The following CCDC170 variants were observed in gnomAD, a reference collection of about 807,000 sequenced individuals.
The protein encoded by CCDC170 is coiled-coil domain containing 170, also known as coiled-coil domain-containing protein 170.
In CCDC170, 69 loss-of-function variants were observed where a neutral mutation model predicts 72.6. That is an observed-to-expected ratio of 0.95 (90% CI 0.78 to 1.16). CCDC170 has a LOEUF of 1.16. CCDC170 is among the 50% of genes most tolerant of loss of function. The pLI, the probability that CCDC170 is intolerant of heterozygous loss-of-function variation, is 0.00. For missense variants in CCDC170, 852 were observed against 832.5 expected (o/e 1.02, Z -0.29); for synonymous variants, 300 against 303.9 (o/e 0.99, Z 0.13).
chr6:151,559,330 G>A (rs571853005), intron 5 of CCDC170, among the ~76,000 whole-genome samples: 3 of 152,156 alleles, frequency 2.0e-5, no homozygotes, highest in Admixed American at 6.5e-5. Flanking sequence ...TAATTATTCT[G>A]ATCCATGAGC....
chr6:151,618,152 T>G lies in CCDC170; in HGVS notation c.*5T>G, dbSNP rs767495505. The stretch of plus-strand genomic sequence containing the variant: ...CATTTACAGCTTCTTCATTGAACAC[T>G]GTATCTCTTGAGAGAGGTGGCCATA... On this transcript the variant is annotated 3_prime_UTR_variant, in exon 11 of 11. Coordinates refer to ENST00000239374, the MANE Select transcript of CCDC170 (RefSeq NM_025059.4). 6.2e-7 allele frequency: 1 copy of G among 1,611,938 alleles called. No individual in the cohort carries two copies. The highest frequency in any genetic ancestry group is 8.5e-7 in the Non-Finnish European group (1 of 1,178,462).
At chr6:151,520,660 C>T (rs1182781779) in intron 1 of CCDC170, among the ~76,000 whole-genome samples, 2 of 152,204 alleles carry the variant, frequency 1.3e-5, no homozygotes, top group Non-Finnish European at 1.5e-5. Flanking sequence ...CCCTAAACTG[C>T]TCCTAAGATC....
At chr6:151,604,063 C>T (rs74945515) in intron 9 of CCDC170, among the ~76,000 whole-genome samples, 8,738 of 152,190 alleles carry the variant, frequency 0.057, 309 homozygotes, top group South Asian at 0.097. Context: ...GTCAGACAAC[C>T]AAAAACTAGT....
intron 5 of CCDC170, among the ~76,000 whole-genome samples, chr6:151,571,073 A>G (rs1293533497): frequency 6.6e-6 from 1 of 152,216 alleles, no homozygotes; most frequent in Non-Finnish European, 1.5e-5. Flanking sequence ...AGTCACCATA[A>G]TGGAAAAAAT....
chr6:151,610,240 G>A (rs1445120076), intron 9 of CCDC170, among the ~76,000 whole-genome samples: 1 of 152,072 alleles, frequency 6.6e-6, no homozygotes, highest in Non-Finnish European at 1.5e-5. Context: ...ATATTATTTT[G>A]AGCAATATGC....
At chr6:151,567,342 T>C (rs946313666) in intron 5 of CCDC170, among the ~76,000 whole-genome samples, 1 of 152,224 alleles carries the variant, frequency 6.6e-6, no homozygotes, top group South Asian at 2.1e-4. Context: ...GTAGGTACCT[T>C]GTATTCAAAT....
chr6:151,523,403 G>A (rs901319041), intron 1 of CCDC170, among the ~76,000 whole-genome samples: 8 of 151,988 alleles, frequency 5.3e-5, no homozygotes, highest in African/African-American at 9.7e-5. Flanking sequence ...TGAATTCTTG[G>A]CAGCCAGGCA....
intron 8 of CCDC170, among the ~76,000 whole-genome samples, chr6:151,594,504 T>C (rs1414558911): frequency 7.2e-5 from 11 of 152,190 alleles, no homozygotes; most frequent in Non-Finnish European, 1.6e-4. Context: ...TAAATTCAGC[T>C]ACCATTCTTT....
At chr6:151,601,425 T>G (rs76507973) in intron 9 of CCDC170, among the ~76,000 whole-genome samples, 8,498 of 152,258 alleles carry the variant, frequency 0.056, 302 homozygotes, top group South Asian at 0.096. Flanking sequence ...GTTCATCCCA[T>G]GTTGTACCAT....
chr6:151,584,087 C>G (rs1776416623), intron 6 of CCDC170, among the ~76,000 whole-genome samples: 1 of 152,142 alleles, frequency 6.6e-6, no homozygotes, highest in Non-Finnish European at 1.5e-5. Context: ...CGTGTGCTGT[C>G]AGAAAAATGA....
Position 151,501,709 on chromosome 6 carries a change from T to G in CCDC170, c.57+7524T>G, listed in dbSNP as rs141110327. On this transcript the variant is annotated intron_variant, in intron 1 of 10. Transcript: ENST00000239374. Reference sequence around the variant, plus strand: ...TCTTTGCATATTTTAAAGAGACTGCTTGTGTATTTACTTACTGTTACCAAA... The same window carrying G: ...TCTTTGCATATTTTAAAGAGACTGCGTGTGTATTTACTTACTGTTACCAAA... Among the ~76,000 whole-genome samples the G allele has an allele frequency of 2.0e-5, 3 of 152,350 alleles. No individual in the cohort carries two copies. The East Asian group carries it at 5.8e-4, about 29-fold the overall frequency.
At position 151,573,359 on chromosome 6, in the gene CCDC170, A is replaced by G. The variant is rs375872774; in HGVS notation, c.960A>G (p.Gln320=). The change falls in exon 6 of 11, where the codon CAA becomes CAG. Residue 320 remains glutamine (Q), a synonymous_variant. Coordinates refer to ENST00000239374, the MANE Select transcript of CCDC170 (RefSeq NM_025059.4). ...KASQDAVTTS[Q]SQYFSFREKI... ...GTCAGGATGCAGTCACAACCTCACA[A>G]AGCCAGTACTTCTCATTTAGGGAGA... The G allele has an allele frequency of 9.9e-5, 160 of 1,613,980 alleles. No individual in the cohort carries two copies. The highest frequency in any genetic ancestry group is 1.2e-4 in the Non-Finnish European group (136 of 1,180,016).
chr6:151,499,865 G>T (rs1781969029), intron 1 of CCDC170, among the ~76,000 whole-genome samples: 1 of 152,138 alleles, frequency 6.6e-6, no homozygotes, highest in Non-Finnish European at 1.5e-5. Context: ...CACTTGTGTT[G>T]TTTCTATCTT....
intron 1 of CCDC170, among the ~76,000 whole-genome samples, chr6:151,529,298 A>C (rs1448496719): frequency 6.6e-6 from 1 of 152,192 alleles, no homozygotes; most frequent in Non-Finnish European, 1.5e-5. Flanking sequence ...AAATATTTTT[A>C]TTTGATAATT....
intron 1 of CCDC170, among the ~76,000 whole-genome samples, chr6:151,520,389 A>G (rs1200383344): frequency 6.6e-6 from 1 of 152,246 alleles, no homozygotes; most frequent in East Asian, 1.9e-4. Flanking sequence ...TATGACTGAG[A>G]CAGTGAAAGA....
chr6:151,494,632 C>T (rs1272494469), intron 1 of CCDC170, among the ~76,000 whole-genome samples: 2 of 152,184 alleles, frequency 1.3e-5, no homozygotes, highest in Admixed American at 6.5e-5. Context: ...AATCCAGAAA[C>T]GTTGGTAATT....
At chr6:151,548,233 A>G (rs1782808421) in intron 4 of CCDC170, 71 bp from the exon 5 acceptor site, 2 of 1,335,252 alleles carry the variant, frequency 1.5e-6, no homozygotes, top group Non-Finnish European at 2.0e-6. Context: ...CAGTCTATAG[A>G]TGTGACTTGC....
At chr6:151,502,964 T>G (rs1432897630) in intron 1 of CCDC170, among the ~76,000 whole-genome samples, 1 of 152,192 alleles carries the variant, frequency 6.6e-6, no homozygotes, top group African/African-American at 2.4e-5. Flanking sequence ...GGTCAAGAGA[T>G]GGAGACCATC....
intron 1 of CCDC170, among the ~76,000 whole-genome samples, chr6:151,518,793 C>T (rs1040228210): frequency 6.6e-6 from 1 of 152,126 alleles, no homozygotes; most frequent in African/African-American, 2.4e-5. Context: ...CCATGATGCC[C>T]ACCTGAGCTG....
Sources: allele counts gnomAD v4.1 joint callset (sites outside exome capture counted in the v4.1 genomes callset), GRCh38; gene constraint gnomAD v4.1.1; transcripts MANE v1.5; gene names NCBI Gene and HGNC (gene_info 2026-07-23, HGNC 2026-07-21).